The following NOL4 variants were observed in gnomAD, a reference collection of about 807,000 sequenced individuals.
NOL4 encodes cancer/testis antigen 125.
In NOL4, 17 loss-of-function variants were observed where a neutral mutation model predicts 75.9. That is an observed-to-expected ratio of 0.22 (90% CI 0.15 to 0.34). The LOEUF is 0.34. NOL4 is among the 10% of genes least tolerant of loss of function. The pLI is 1.00. For synonymous variants in NOL4, 292 were observed against 289.9 expected (o/e 1.01, Z -0.07); for missense variants, 614 against 793.5 (o/e 0.77, Z 2.72).
chr18:34,026,836 A>G (rs1038599894), intron 5 of NOL4, among the ~76,000 whole-genome samples: 6 of 152,194 alleles, frequency 3.9e-5, no homozygotes, highest in Non-Finnish European at 8.8e-5. Context: ...TTAAAGAATG[A>G]AAAATCAATA....
rs1221978671 is a variant in NOL4, at chr18:34,019,526, C to CTTGCTG, written c.847_848insCAGCAA (p.His282_Ser283insThrAla). On this transcript the variant is annotated inframe_insertion, in exon 6 of 11. Coordinates refer to ENST00000261592, the MANE Select transcript of NOL4 (RefSeq NM_003787.5). ...ACTGTTGGAGTCTCCCATCTCCCTG[C>CTTGCTG]TGTGTGTTCCCCCTGAAGCAATTGA... 8.7e-6 allele frequency: 14 copies of CTTGCTG among 1,613,908 alleles called. No individual in the cohort carries two copies. Among genetic ancestry groups the CTTGCTG allele is most frequent in the Non-Finnish European group, 1.2e-5 (14 of 1,179,990 alleles).
chr18:34,059,122 C>CATATATATATATATATAT (rs55773398), intron 5 of NOL4, among the ~76,000 whole-genome samples: 26 of 118,206 alleles, frequency 2.2e-4, no homozygotes, highest in South Asian at 3.2e-4. Flanking sequence ...GATAGATATA[C>CATATATATATATATATAT]ATATATATAT....
chr18:34,051,503 GAATAAC>G (rs1299611900), intron 5 of NOL4, among the ~76,000 whole-genome samples: 1 of 152,070 alleles, frequency 6.6e-6, no homozygotes, highest in Admixed American at 6.6e-5. Context: ...CTTTGACTGT[GAATAAC>G]AATAACATCT....
chr18:34,026,160 C>A (rs2075330012), intron 5 of NOL4, among the ~76,000 whole-genome samples: 1 of 152,132 alleles, frequency 6.6e-6, no homozygotes. Flanking sequence ...CCTTCTATTG[C>A]AAATTTTATT....
At chr18:34,107,680 GAA>G (rs78952634) in intron 2 of NOL4, among the ~76,000 whole-genome samples, 43 of 101,352 alleles carry the variant, frequency 4.2e-4, no homozygotes, top group African/African-American at 1.6e-3. Context: ...CGCACGTAAA[GAA>G]AAAAAAAAAA....
chr18:34,137,779 T>TACAC (rs1156472289), intron 1 of NOL4, among the ~76,000 whole-genome samples: 2,136 of 147,134 alleles, frequency 0.015, 24 homozygotes, highest in East Asian at 0.061. Flanking sequence ...ATATACGAAA[T>TACAC]ACACACACAC....
At chr18:34,056,090 T>C (rs996090232) in intron 5 of NOL4, among the ~76,000 whole-genome samples, 3 of 152,318 alleles carry the variant, frequency 2.0e-5, no homozygotes, top group Admixed American at 2.0e-4. Flanking sequence ...AAAATAGTTG[T>C]TTTTAATTAT....
chr18:33,879,484 C>A (rs745541634), intron 10 of NOL4, among the ~76,000 whole-genome samples: 7 of 151,806 alleles, frequency 4.6e-5, no homozygotes, highest in Non-Finnish European at 2.9e-5. Context: ...CCAGCCTGGG[C>A]AACATGGTAA....
intron 6 of NOL4, among the ~76,000 whole-genome samples, chr18:34,007,761 G>A (rs1416006936): frequency 6.6e-6 from 1 of 151,906 alleles, no homozygotes. Flanking sequence ...TCTGGGTAAG[G>A]CATTAGTTTG....
rs1474676893 is a variant in NOL4 at position 34,223,265 on chromosome 18, T to A, written c.-12A>T. The A allele has an allele frequency of 1.2e-6, 2 of 1,611,900 alleles. No individual in the cohort carries two copies. The highest frequency in any genetic ancestry group is 2.2e-5 in the South Asian group (2 of 91,058). ...CGCTCGCTCTCCATGTTCCCCGCGC[T>A]CGGCCGCTGGCCGGATGCTCCCAGC... is the stretch of plus-strand genomic sequence containing the variant. On this transcript the variant is annotated 5_prime_UTR_variant, in exon 1 of 11. Transcript: ENST00000261592.
intron 5 of NOL4, among the ~76,000 whole-genome samples, chr18:34,024,214 T>TATATATATATATATATATATATAA (rs1365275127): frequency 7.6e-6 from 1 of 130,782 alleles, no homozygotes; most frequent in African/African-American, 2.8e-5. Context: ...TATATATATA[T>TATATATATATATATATATATATAA]AAAATCCTCA....
At chr18:33,899,655 T>C (rs2065630966) in intron 9 of NOL4, among the ~76,000 whole-genome samples, 2 of 152,138 alleles carry the variant, frequency 1.3e-5, no homozygotes. Context: ...TATGAGTGAA[T>C]GGACTCGATT....
chr18:33,954,300 A>G (rs1409020529), intron 8 of NOL4, among the ~76,000 whole-genome samples: 1 of 152,008 alleles, frequency 6.6e-6, no homozygotes, highest in Non-Finnish European at 1.5e-5. Flanking sequence ...TTCCCCATAT[A>G]TTTTTCAATT....
intron 1 of NOL4, among the ~76,000 whole-genome samples, chr18:34,193,762 G>A (rs1356891910): frequency 6.6e-6 from 1 of 152,104 alleles, no homozygotes; most frequent in African/African-American, 2.4e-5. Flanking sequence ...AAATCATAAT[G>A]TTGAAAAAAT....
At chr18:33,979,215 G>A (rs954095577) in intron 6 of NOL4, among the ~76,000 whole-genome samples, 11 of 151,894 alleles carry the variant, frequency 7.2e-5, no homozygotes, top group Non-Finnish European at 1.6e-4. Context: ...TGTTCATAAG[G>A]ACCAGGACAA....
At chr18:33,967,468 T>G (rs1046624625) in intron 6 of NOL4, among the ~76,000 whole-genome samples, 3 of 152,084 alleles carry the variant, frequency 2.0e-5, no homozygotes, top group South Asian at 4.1e-4. Context: ...AATTGACAAG[T>G]GGGACCCAAA....
chr18:33,970,641 C>T (rs2070974546), intron 6 of NOL4, among the ~76,000 whole-genome samples: 1 of 151,610 alleles, frequency 6.6e-6, no homozygotes, highest in Non-Finnish European at 1.5e-5. Flanking sequence ...ATACAGATCA[C>T]ATTATCCTCA....
chr18:33,924,551 T>C (rs916707552), intron 9 of NOL4, among the ~76,000 whole-genome samples: 2 of 152,196 alleles, frequency 1.3e-5, no homozygotes, highest in African/African-American at 4.8e-5. Flanking sequence ...TGTGATGCTA[T>C]GCAAGAAGTT....
intron 5 of NOL4, among the ~76,000 whole-genome samples, chr18:34,038,655 G>A (rs2076014871): frequency 6.6e-6 from 1 of 152,042 alleles, no homozygotes; most frequent in Non-Finnish European, 1.5e-5. Flanking sequence ...AATACCGCAT[G>A]TTCTCACTCA....
Sources: gnomAD v4.1 joint callset for allele counts (sites outside exome capture counted in the v4.1 genomes callset) on GRCh38, gnomAD v4.1.1 for gene constraint, MANE v1.5 for transcripts, NCBI Gene and HGNC (gene_info 2026-07-23, HGNC 2026-07-21) for gene names.